The following NRXN3 variants were observed in gnomAD, a reference collection of about 807,000 sequenced individuals.
NRXN3 encodes neurexin 3.
In NRXN3, 32 loss-of-function variants were observed where a neutral mutation model predicts 137.6. The ratio of observed to expected loss-of-function variants is 0.23; its 90% confidence interval spans 0.18 to 0.31. The LOEUF is 0.31. NRXN3 is among the 10% of genes least tolerant of loss of function. The pLI, the probability that NRXN3 is intolerant of heterozygous loss-of-function variation, is 1.00. For synonymous variants in NRXN3, 798 were observed against 784.5 expected, an observed-to-expected ratio of 1.02 and a Z score of -0.29; for missense variants, 1,574 against 2,062.5, an observed-to-expected ratio of 0.76 and a Z score of 4.59.
intron 15 of NRXN3, among the ~76,000 whole-genome samples, chr14:79,374,883 G>A (rs1219768968): frequency 3.9e-5 from 6 of 152,258 alleles, no homozygotes; most frequent in Admixed American, 3.9e-4. Context: ...TTCTTGGGCT[G>A]CACCATTCAT....
At chr14:78,837,869 C>T (rs215508) in intron 10 of NRXN3, among the ~76,000 whole-genome samples, 532 of 152,174 alleles carry the variant, frequency 3.5e-3, no homozygotes, top group Non-Finnish European at 6.1e-3. Flanking sequence ...TAATTTTTAG[C>T]CTTATGTTGG....
chr14:78,300,899 G>T (rs550515907), intron 4 of NRXN3, among the ~76,000 whole-genome samples: 1 of 152,314 alleles, frequency 6.6e-6, no homozygotes, highest in South Asian at 2.1e-4. Context: ...ATGATTCTGT[G>T]TTGGCCTGCC....
intron 4 of NRXN3, among the ~76,000 whole-genome samples, chr14:78,554,672 C>T (rs951070615): frequency 6.6e-6 from 1 of 152,178 alleles, no homozygotes; most frequent in Non-Finnish European, 1.5e-5. Flanking sequence ...ATCTCAAGCA[C>T]CACCTGCAAT....
chr14:79,281,690 A>C (rs925158641), intron 15 of NRXN3: 1 of 152,130 alleles, frequency 6.6e-6, no homozygotes, highest in African/African-American at 2.4e-5. Flanking sequence ...CAAATATAAG[A>C]AGGCAGAAAA....
intron 16 of NRXN3, among the ~76,000 whole-genome samples, chr14:79,550,904 A>G (rs766454100): frequency 1.5e-4 from 23 of 152,232 alleles, no homozygotes; most frequent in Non-Finnish European, 3.2e-4. Flanking sequence ...TATACATGGT[A>G]TGAAATGAGC....
intron 4 of NRXN3, among the ~76,000 whole-genome samples, chr14:78,531,045 C>T (rs1306002158): frequency 6.6e-6 from 1 of 152,130 alleles, no homozygotes; most frequent in African/African-American, 2.4e-5. Flanking sequence ...TCTTTGATGC[C>T]TTTCCTTCAT....
intron 15 of NRXN3, chr14:79,279,320 T>TATTTG (rs1566647585): frequency 3.1e-6 from 3 of 982,912 alleles, no homozygotes; most frequent in Middle Eastern, 5.2e-4. Context: ...TGATTTGCTC[T>TATTTG]CGGGAGTGCG....
intron 19 of NRXN3, among the ~76,000 whole-genome samples, chr14:79,775,086 G>A (rs1289939898): frequency 6.6e-6 from 1 of 152,044 alleles, no homozygotes; most frequent in African/African-American, 2.4e-5. Flanking sequence ...ATATAAAAGA[G>A]CAAGATAGTA....
At chr14:79,163,837 A>G (rs112734550) in intron 15 of NRXN3, among the ~76,000 whole-genome samples, 10 of 152,068 alleles carry the variant, frequency 6.6e-5, no homozygotes, top group African/African-American at 2.4e-4. Context: ...GTCCTTTCCC[A>G]TGTTATTTAT....
chr14:79,296,363 G>A (rs181948316), intron 15 of NRXN3, among the ~76,000 whole-genome samples: 1 of 152,008 alleles, frequency 6.6e-6, no homozygotes, highest in Admixed American at 6.6e-5. Context: ...ATTAAAAAGT[G>A]CTTCATAGCA....
Position 78,957,288 on chromosome 14 carries a change from C to T in NRXN3, c.2322C>T (p.Asn774=), listed in dbSNP as rs35008707. The T allele has an allele frequency of 0.018, 29,116 of 1,613,952 alleles. 622 individuals are homozygous for T. Among genetic ancestry groups the T allele is most frequent in the African/African-American group, 0.099 (7,450 of 74,966 alleles). ...TLYAGQKLND[N]EWHTVRVVRR... is the part of the protein sequence containing the mutation. ...ATGCAGGGCAGAAGCTCAATGACAA[C>T]GAGTGGCACACCGTTCGGGTGGTGC... The change falls in exon 11 of 21, where the codon AAC becomes AAT. Residue 774 remains asparagine, a synonymous_variant. Coordinates refer to ENST00000335750, the MANE Select transcript of NRXN3 (RefSeq NM_001330195.2).
At chr14:79,557,767 G>T (rs995038018) in intron 16 of NRXN3, among the ~76,000 whole-genome samples, 6 of 152,128 alleles carry the variant, frequency 3.9e-5, no homozygotes, top group Admixed American at 3.3e-4. Context: ...GGAGGTTGGG[G>T]TGGCTGTGGA....
At chr14:78,644,302 A>C (rs2097665432) in intron 4 of NRXN3, among the ~76,000 whole-genome samples, 1 of 152,230 alleles carries the variant, frequency 6.6e-6, no homozygotes. Context: ...TATGGGCTCC[A>C]GTAGAATGCG....
At chr14:78,258,276 T>G (rs77582555) in intron 2 of NRXN3, among the ~76,000 whole-genome samples, 4 of 152,232 alleles carry the variant, frequency 2.6e-5, no homozygotes, top group South Asian at 4.2e-4. Flanking sequence ...GTTGTAGGAA[T>G]GTAGAACAGG....
chr14:78,717,779 C>T lies in NRXN3; in HGVS notation c.2044+2640C>T, dbSNP rs184870187. On this transcript the variant is annotated intron_variant, in intron 8 of 20. Transcript: ENST00000335750. The stretch of plus-strand genomic sequence containing the variant: ...CCAAAACAGAAACACCAACTTGACA[C>T]GGCCTTTACTTGTGAACAAGGGGTG... 3.9e-4 allele frequency among the ~76,000 whole-genome samples: 59 copies of T among 152,246 alleles called. No homozygotes were observed. The East Asian group carries it at 5.6e-3, about 14-fold the overall frequency.
At chr14:79,185,755 A>G (rs750276435) in intron 15 of NRXN3, among the ~76,000 whole-genome samples, 2 of 152,086 alleles carry the variant, frequency 1.3e-5, no homozygotes, top group South Asian at 2.1e-4. Context: ...GTGAGCCACC[A>G]CCGTACCCGG....
At position 78,200,689 on chromosome 14, in the gene NRXN3, A is replaced by G. The variant is rs76890776; in HGVS notation, c.-704+30015A>G. On this transcript the variant is annotated intron_variant, in intron 1 of 20. Transcript: ENST00000335750. ...TGACTTGATATTATGTAATTATTAT[A>G]TAATTAAAAGTGTGCTTAATACATC... Among the ~76,000 whole-genome samples, 556 of 152,342 alleles carry G rather than the reference A, an allele frequency of 3.6e-3. 3 individuals are homozygous for G. Among genetic ancestry groups the G allele is most frequent in the African/African-American group, 0.013 (529 of 41,570 alleles).
At chr14:79,699,024 T>A (rs1234817123) in intron 19 of NRXN3, among the ~76,000 whole-genome samples, 1 of 151,972 alleles carries the variant, frequency 6.6e-6, no homozygotes, top group African/African-American at 2.4e-5. Flanking sequence ...AGCAGAAGTA[T>A]CCAGACAGCT....
chr14:78,777,757 AT>A lies in NRXN3; in HGVS notation c.2045-25854del, dbSNP rs199961098. On this transcript the variant is annotated intron_variant, in intron 8 of 20. Transcript: ENST00000335750. ...AGAGAAGGGAGATTTAGGCGGAAGGATTTTTTTTTAAAAATTTATTTTTGAG... is the reference window on the plus strand; with the variant it reads ...AGAGAAGGGAGATTTAGGCGGAAGGATTTTTTTTAAAAATTTATTTTTGAG... Among the ~76,000 whole-genome samples the A allele has an allele frequency of 5.5e-3, 832 of 152,096 alleles. 11 individuals carry two copies. The highest frequency in any genetic ancestry group is 0.019 in the African/African-American group (777 of 41,554).
Sources: gnomAD v4.1 joint callset for allele counts (sites outside exome capture counted in the v4.1 genomes callset) on GRCh38, gnomAD v4.1.1 for gene constraint, MANE v1.5 for transcripts, NCBI Gene and HGNC (gene_info 2026-07-23, HGNC 2026-07-21) for gene names.